The following JAK1 variants were observed in gnomAD, a reference collection of about 807,000 sequenced individuals.
The protein encoded by JAK1 is Janus kinase 1, also known as tyrosine-protein kinase JAK1.
JAK1 carries 16 observed loss-of-function variants against 136.6 expected under a neutral mutation model. The observed-to-expected ratio is 0.12, with a 90% confidence interval of 0.08 to 0.18. The LOEUF is 0.18. JAK1 is among the 10% of genes least tolerant of loss of function. The pLI is 1.00. For synonymous variants in JAK1, 492 were observed against 519.5 expected (o/e 0.95, Z 0.72); for missense variants, 859 against 1,450.1 (o/e 0.59, Z 6.62).
intron 1 of JAK1, among the ~76,000 whole-genome samples, chr1:64,965,773 C>T (rs994982964): frequency 6.6e-6 from 1 of 152,140 alleles, no homozygotes; most frequent in Non-Finnish European, 1.5e-5. Flanking sequence ...GGGGAGGGGG[C>T]GTTTCCCGAG....
intron 8 of JAK1, among the ~76,000 whole-genome samples, chr1:64,862,061 T>A (rs1337882827): frequency 6.6e-6 from 1 of 152,320 alleles, no homozygotes; most frequent in East Asian, 1.9e-4. Context: ...GACAACATGC[T>A]GGTATCAGGG....
intron 1 of JAK1, among the ~76,000 whole-genome samples, chr1:64,928,777 G>GC: frequency 1.3e-3 from 1 of 778 alleles, no homozygotes; most frequent in South Asian, 0.045. Flanking sequence ...ATAAAACTCT[G>GC]CAAAAAAAAA....
chr1:64,916,143 A>G (rs1466168299), intron 1 of JAK1, among the ~76,000 whole-genome samples: 1 of 152,100 alleles, frequency 6.6e-6, no homozygotes, highest in Admixed American at 6.6e-5. Flanking sequence ...AGGTAAACAT[A>G]TGTCTGAGGA....
At chr1:65,008,104 T>C (rs1389263789) in intron 2 of JAK1, among the ~76,000 whole-genome samples, 1 of 152,182 alleles carries the variant, frequency 6.6e-6, no homozygotes, top group Non-Finnish European at 1.5e-5. Context: ...CAGCTTGAGT[T>C]TGGTGACAAC....
At chr1:65,053,097 G>A (rs1647364060) in intron 1 of JAK1, among the ~76,000 whole-genome samples, 1 of 149,326 alleles carries the variant, frequency 6.7e-6, no homozygotes, top group South Asian at 2.1e-4. Flanking sequence ...TGTAATCCCA[G>A]CACTTTGGGA....
chr1:64,878,633 G>C (rs1244823866), intron 4 of JAK1, among the ~76,000 whole-genome samples: 2 of 126,040 alleles, frequency 1.6e-5, no homozygotes, highest in African/African-American at 5.8e-5. Flanking sequence ...ATATACTTAG[G>C]TTATGTATAT....
intron 2 of JAK1, among the ~76,000 whole-genome samples, chr1:65,018,487 AACACACACAC>A (rs556710090): frequency 6.2e-5 from 6 of 96,052 alleles, no homozygotes; most frequent in Admixed American, 4.0e-4. Context: ...AGAGAGAGAG[AACACACACAC>A]ACACACACAC....
At chr1:65,021,551 T>C (rs1201441174) in intron 2 of JAK1, among the ~76,000 whole-genome samples, 1 of 152,156 alleles carries the variant, frequency 6.6e-6, no homozygotes, top group Non-Finnish European at 1.5e-5. Context: ...GATAATCTTG[T>C]CTTTATTGGG....
In JAK1 at chr1:64,867,182, A is replaced by G. The variant is rs370410494; in HGVS notation, c.674T>C (p.Leu225Ser). Residue 225 changes from leucine to serine, a missense_variant, in exon 7 of 25, where the codon TTG (leucine) becomes TCG (serine). Leu to Ser is a moderately radical substitution (Grantham distance 145, BLOSUM62 -2). Coordinates refer to ENST00000342505, the MANE Select transcript of JAK1 (RefSeq NM_002227.4). ...GTTCCTCTGTCTGATGGACTTATTC[A>G]ATGTTTCTGGAATATATCGCTTGTA... ...ISYKRYIPET[L>S]NKSIRQRNLL... 6.2e-7 allele frequency: 1 copy of G among 1,604,196 alleles called. No individual in the cohort carries two copies. The highest frequency in any genetic ancestry group is 8.5e-7 in the Non-Finnish European group (1 of 1,172,694).
chr1:65,057,472 G>C (rs1329149724), intron 1 of JAK1, among the ~76,000 whole-genome samples: 1 of 152,132 alleles, frequency 6.6e-6, no homozygotes, highest in African/African-American at 2.4e-5. Flanking sequence ...AGGCTGAGGT[G>C]GGAGAATCAA....
intron 1 of JAK1, among the ~76,000 whole-genome samples, chr1:64,915,243 T>C (rs903980387): frequency 6.6e-6 from 1 of 152,124 alleles, no homozygotes; most frequent in African/African-American, 2.4e-5. Flanking sequence ...AAATACAGCA[T>C]GGCTTTTCTG....
At chr1:64,880,786 T>C (rs1245132698) in intron 3 of JAK1, among the ~76,000 whole-genome samples, 1 of 152,068 alleles carries the variant, frequency 6.6e-6, no homozygotes, top group African/African-American at 2.4e-5. Context: ...CTGGCCAACA[T>C]GGTGAAACCC....
rs754146492 is a variant in JAK1, at chr1:64,844,020, TG to T, written c.2403+43del. 1 of 1,609,820 alleles carries T rather than the reference TG, an allele frequency of 6.2e-7. No individual in the cohort carries two copies. The highest frequency in any genetic ancestry group is 1.7e-5 in the Admixed American group (1 of 59,934). On this transcript the variant is annotated intron_variant, in intron 17 of 24. Coordinates refer to ENST00000342505, the MANE Select transcript of JAK1 (RefSeq NM_002227.4). This position sits in a 1 kb window ranked among gnomAD's most constrained non-coding sequence, Gnocchi z 5.7. Reference sequence around the variant, plus strand: ...AACTCCTGGGAAGCCCACGAGCACCTGAAAGCCCTCACTTGCCTCACGCCCC... The same window carrying T: ...AACTCCTGGGAAGCCCACGAGCACCTAAAGCCCTCACTTGCCTCACGCCCC...
chr1:64,889,797 AT>A (rs1644906982), intron 1 of JAK1, among the ~76,000 whole-genome samples: 1 of 152,222 alleles, frequency 6.6e-6, no homozygotes, highest in Non-Finnish European at 1.5e-5. Flanking sequence ...CACATTTTGG[AT>A]AGTGGACAAG....
chr1:65,053,477 GA>G (rs1190446165), intron 1 of JAK1, among the ~76,000 whole-genome samples: 2 of 152,140 alleles, frequency 1.3e-5, no homozygotes, highest in Non-Finnish European at 2.9e-5. Context: ...ATTTTTAAAG[GA>G]AAAAAATCTC....
At chr1:64,919,324 T>C (rs1439548093) in intron 1 of JAK1, among the ~76,000 whole-genome samples, 2 of 152,188 alleles carry the variant, frequency 1.3e-5, no homozygotes, top group Non-Finnish European at 1.5e-5. Flanking sequence ...GCTTCATCCA[T>C]GTCCCTACAA....
intron 1 of JAK1, among the ~76,000 whole-genome samples, chr1:64,886,990 T>C (rs1450262543): frequency 6.6e-6 from 1 of 152,186 alleles, no homozygotes. Context: ...AGGAAGAGCA[T>C]AGTCCCAGGC....
intron 2 of JAK1, among the ~76,000 whole-genome samples, chr1:65,034,220 G>A (rs957399595): frequency 5.9e-5 from 9 of 152,222 alleles, no homozygotes; most frequent in Non-Finnish European, 1.0e-4. Flanking sequence ...GTATTGAAGA[G>A]TTGAGGAAAA....
intron 1 of JAK1, among the ~76,000 whole-genome samples, chr1:64,937,601 T>C (rs1297429722): frequency 6.6e-6 from 1 of 152,200 alleles, no homozygotes; most frequent in African/African-American, 2.4e-5. Flanking sequence ...AAAATAAAGT[T>C]TCTAAATAGG....
Sources: gnomAD v4.1 joint callset for allele counts (sites outside exome capture counted in the v4.1 genomes callset) on GRCh38, gnomAD v4.1.1 for gene constraint, Gnocchi (gnomAD v3.1) non-coding constraint, MANE v1.5 for transcripts, NCBI Gene and HGNC (gene_info 2026-07-23, HGNC 2026-07-21) for gene names.